Variants in EHMT1 observed in about 807,000 individuals in gnomAD.
EHMT1 encodes the protein histone-lysine N-methyltransferase EHMT1.
In EHMT1, 15 loss-of-function variants were observed where a neutral mutation model predicts 147.2. That is an observed-to-expected ratio of 0.10 (90% CI 0.07 to 0.16). The LOEUF (loss-of-function observed/expected upper bound fraction) is 0.16. Among genes scored for constraint, EHMT1 ranks in the 10% least tolerant of loss-of-function variants. The pLI, the probability that EHMT1 is intolerant of heterozygous loss-of-function variation, is 1.00. For synonymous variants in EHMT1, 795 were observed against 709.6 expected (o/e 1.12, Z -1.91); for missense variants, 1,587 against 1,772.4 (o/e 0.90, Z 1.88).
At chr9:137,764,610 C>T (rs1950094311) in intron 10 of EHMT1, 1 of 152,242 alleles carries the variant, frequency 6.6e-6, no homozygotes, top group African/African-American at 2.4e-5. Flanking sequence ...CATTGTCTCA[C>T]ATAACAGCAA....
chr9:137,634,148 C>T (rs1048972011), intron 1 of EHMT1, among the ~76,000 whole-genome samples: 2 of 152,136 alleles, frequency 1.3e-5, no homozygotes, highest in African/African-American at 4.8e-5. Context: ...CTTTGAAGCA[C>T]AGATGTTTTT....
chr9:137,654,631 TGTTA>T (rs754965222), intron 1 of EHMT1, among the ~76,000 whole-genome samples: 2 of 152,208 alleles, frequency 1.3e-5, no homozygotes, highest in Non-Finnish European at 2.9e-5. Flanking sequence ...TAGGTCATCC[TGTTA>T]GTTTCTGCAC....
At chr9:137,748,351 A>G (rs1440520209) in intron 6 of EHMT1, among the ~76,000 whole-genome samples, 2 of 152,242 alleles carry the variant, frequency 1.3e-5, no homozygotes, top group Non-Finnish European at 2.9e-5. Context: ...GCCTTAGGCC[A>G]GGGAGGCGAC....
intron 10 of EHMT1, among the ~76,000 whole-genome samples, chr9:137,771,676 C>A (rs1383084055): frequency 1.4e-5 from 2 of 138,378 alleles, no homozygotes; most frequent in African/African-American, 7.0e-5. Context: ...GGGGTCTTAC[C>A]GAGGAGACCG....
chr9:137,779,847 C>A, intron 14 of EHMT1, 130 bp downstream of exon 14: 2 of 990,140 alleles, frequency 2.0e-6, no homozygotes, highest in Non-Finnish European at 3.1e-6. Context: ...TCTCCGAGTT[C>A]TCTGATGAGT....
At chr9:137,805,670 T>TC (rs1398638786) in intron 18 of EHMT1, among the ~76,000 whole-genome samples, 4 of 152,168 alleles carry the variant, frequency 2.6e-5, no homozygotes, top group Admixed American at 6.5e-5. Flanking sequence ...GTGGTCTTTT[T>TC]TTTTTTTTTT....
At position 137,835,737 on chromosome 9, in the gene EHMT1, G is replaced by A. The variant is rs968675574; in HGVS notation, c.*784G>A. 5 of 152,568 alleles carry A rather than the reference G, an allele frequency of 3.3e-5. No individual in the cohort carries two copies. The highest frequency in any genetic ancestry group is 1.2e-4 in the African/African-American group (5 of 41,448). The allele number at this position is 152,568 out of a possible 1,614,324, so 9.5% of individuals were successfully genotyped here. A position where few individuals can be genotyped will look rare whatever the true frequency, so the allele number is the denominator to read the frequency against. Reference sequence around the variant, plus strand: ...AACACAAAATAAAAAACAAAACACAGACAACGGTGCTGATTCTGGTGTGGT... The same window carrying A: ...AACACAAAATAAAAAACAAAACACAAACAACGGTGCTGATTCTGGTGTGGT... On this transcript the variant is annotated 3_prime_UTR_variant, in exon 27 of 27. Transcript: ENST00000460843.
rs1948327170 is a variant in EHMT1 at position 137,743,908 on chromosome 9, A to G, written c.988A>G (p.Lys330Glu). Reference protein sequence around the residue: ...THSTVGSKGEKDLGASSLHVN... With the variant: ...THSTVGSKGEEDLGASSLHVN... ...ACACCTGCCCGTGTTCTAGGGGGAG[A>G]AGGACCTGGGCGCCAGCAGCCTGCA... The change falls in exon 6 of 27, where the codon AAG becomes GAG. Residue 330 changes from lysine (K) to glutamate (E), a missense_variant. Lys to Glu is a moderately conservative substitution (Grantham distance 56, BLOSUM62 1). Coordinates refer to ENST00000460843, the MANE Select transcript of EHMT1 (RefSeq NM_024757.5). 3 of 1,611,640 alleles carry G rather than the reference A, an allele frequency of 1.9e-6. No homozygotes were observed. In the African/African-American group the frequency reaches 4.0e-5, roughly 22 times the overall value.
At chr9:137,689,233 A>G (rs528639225) in intron 1 of EHMT1, among the ~76,000 whole-genome samples, 2 of 152,356 alleles carry the variant, frequency 1.3e-5, no homozygotes, top group African/African-American at 4.8e-5. Flanking sequence ...TCTTTGGTCA[A>G]TGGATCCCAC....
chr9:137,834,695 G>C, intron 26 of EHMT1, 78 bp from the exon 27 acceptor site: 1 of 1,609,430 alleles, frequency 6.2e-7, no homozygotes, highest in Non-Finnish European at 8.5e-7. Context: ...GGAAGCTTTG[G>C]CCTTGCCTTA....
At chr9:137,752,307 C>T (rs746509340) in intron 6 of EHMT1, 24 bp from the exon 7 acceptor site, 23 of 1,613,266 alleles carry the variant, frequency 1.4e-5, no homozygotes, top group East Asian at 2.2e-5. Flanking sequence ...TTTGGGTTCC[C>T]GCTTCGACTG....
chr9:137,811,759 G>A, intron 19 of EHMT1, 144 bp downstream of exon 19: 1 of 1,109,158 alleles, frequency 9.0e-7, no homozygotes, highest in South Asian at 1.3e-5. Context: ...CATCCTTGGT[G>A]TTCCACACGC....
Position 137,717,405 on chromosome 9 carries a change from C to G in EHMT1, c.642+223C>G. 7.7e-6 allele frequency: 5 copies of G among 645,298 alleles called. No individual in the cohort carries two copies. In the South Asian group the frequency reaches 9.5e-5, roughly 12 times the overall value. 40.0% of individuals were successfully genotyped at this position (645,298 alleles called of 1,614,324 possible). A position where few individuals can be genotyped will look rare whatever the true frequency, so the allele number is the denominator to read the frequency against. ...ATTGCTTGAGCCTAGGAGTTTGAGA[C>G]CAGCCTGGGCAGCGTGGCGAAACTC... is the stretch of plus-strand genomic sequence containing the variant. On this transcript the variant is annotated intron_variant, in intron 3 of 26. Transcript: ENST00000460843.
intron 10 of EHMT1, chr9:137,764,643 T>C (rs1005352090): frequency 6.6e-6 from 1 of 152,222 alleles, no homozygotes. Flanking sequence ...GTAACAAAAA[T>C]AACAATTTCC....
Position 137,715,430 on chromosome 9 carries a change from C to T in EHMT1, c.86-1196C>T, listed in dbSNP as rs573296667. 2.3e-4 allele frequency: 124 copies of T among 537,652 alleles called. 1 individual carries two copies. Among genetic ancestry groups the T allele is most frequent in the African/African-American group, 2.2e-3 (109 of 48,480 alleles). 33.3% of individuals were successfully genotyped at this position (537,652 alleles called of 1,614,324 possible). A position where few individuals can be genotyped will look rare whatever the true frequency, so the allele number is the denominator to read the frequency against. On this transcript the variant is annotated intron_variant, in intron 2 of 26. Coordinates refer to ENST00000460843, the MANE Select transcript of EHMT1 (RefSeq NM_024757.5). Reference sequence around the variant, plus strand: ...CACTGGTAAACAGACAGGGCATTTGCGCTCATAGGACTTAACGTCCTCGGG... The same window carrying T: ...CACTGGTAAACAGACAGGGCATTTGTGCTCATAGGACTTAACGTCCTCGGG...
chr9:137,718,808 T>A (rs1217400198), intron 3 of EHMT1, among the ~76,000 whole-genome samples: 1 of 149,436 alleles, frequency 6.7e-6, no homozygotes, highest in Non-Finnish European at 1.5e-5. Flanking sequence ...CAGGTTAGAG[T>A]GAAATGGCGC....
At chr9:137,637,329 C>A (rs1449697446) in intron 1 of EHMT1, among the ~76,000 whole-genome samples, 1 of 151,946 alleles carries the variant, frequency 6.6e-6, no homozygotes, top group South Asian at 2.1e-4. Flanking sequence ...GCATGCTCCA[C>A]CATGCCAGGC....
chr9:137,795,432 C>CTCACAT lies in EHMT1; in HGVS notation c.2506-3381_2506-3380insTCACAT, dbSNP rs1554887530. ...ACACACACACACACACACACACTCTCACACTCACATACACACACAGACACA... is the reference window on the plus strand; with the variant it reads ...ACACACACACACACACACACACTCTCTCACATACACTCACATACACACACAGACACA... On this transcript the variant is annotated intron_variant, in intron 16 of 26. Coordinates refer to ENST00000460843, the MANE Select transcript of EHMT1 (RefSeq NM_024757.5). 1.4e-3 allele frequency among the ~76,000 whole-genome samples: 186 copies of CTCACAT among 131,568 alleles called. 1 individual carries two copies. The highest frequency in any genetic ancestry group is 2.8e-3 in the East Asian group (14 of 4,932). The allele number at this position is 131,568 out of a possible 152,430, so 86.3% of individuals were successfully genotyped here. A position where few individuals can be genotyped will look rare whatever the true frequency, so the allele number is the denominator to read the frequency against.
intron 2 of EHMT1, among the ~76,000 whole-genome samples, chr9:137,713,626 T>C (rs1478753474): frequency 6.6e-6 from 1 of 152,058 alleles, no homozygotes; most frequent in African/African-American, 2.4e-5. Flanking sequence ...AAAAATTCTT[T>C]TTCATTTTGA....
Sources: gnomAD v4.1 joint callset for allele counts (sites outside exome capture counted in the v4.1 genomes callset) on GRCh38, gnomAD v4.1.1 for gene constraint, MANE v1.5 for transcripts, NCBI Gene and HGNC (gene_info 2026-07-23, HGNC 2026-07-21) for gene names.